Variants in ANKRD62 observed in about 807,000 individuals in gnomAD.
ANKRD62 encodes ankyrin repeat domain 62.
ANKRD62 carries 61 observed loss-of-function variants against 98.8 expected under a neutral mutation model. The ratio of observed to expected loss-of-function variants is 0.62; its 90% CI spans 0.50 to 0.76. ANKRD62 has a LOEUF of 0.76. Among genes scored for constraint, ANKRD62 ranks in the 30% least tolerant of loss-of-function variants. The probability of loss-of-function intolerance (pLI) is 0.00; values close to 1 mark genes in which losing one functional copy is unlikely to be tolerated. For synonymous variants in ANKRD62, 341 were observed against 367.9 expected (o/e 0.93, Z 0.84); for missense variants, 933 against 1,082.9 (o/e 0.86, Z 1.94).
At chr18:12,096,413 T>C in intron 4 of ANKRD62, 111 bp downstream of exon 4, 1 of 612,098 alleles carries the variant, frequency 1.6e-6, no homozygotes, top group East Asian at 3.0e-5. Flanking sequence ...ATTATTGGGA[T>C]AGAGAGAAAT....
In ANKRD62 at chr18:12,093,942, G is replaced by C; in HGVS notation, c.-76G>C. ...GGTTACGTGCTGGTGCTGCGCTCCA[G>C]AGAGGCAGAAAACGAGTGGGAGCTG... On this transcript the variant is annotated 5_prime_UTR_variant, in exon 1 of 14. Transcript: ENST00000587848. The C allele has an allele frequency of 1.4e-6, 2 of 1,429,598 alleles. No homozygotes were observed. The highest frequency in any genetic ancestry group is 1.9e-6 in the Non-Finnish European group (2 of 1,054,224). The allele number at this position is 1,429,598 out of a possible 1,614,324, so 88.6% of individuals were successfully genotyped here.
In ANKRD62 at chr18:12,128,159, CT is replaced by C. The variant is rs1159620596; in HGVS notation, c.*226del. On this transcript the variant is annotated 3_prime_UTR_variant, in exon 14 of 14. Transcript: ENST00000587848. ...ATTTCTCACAGAAGATTAGAGAATTCTTTTTTCTTTTTACAGTATATTTTTA... is the reference window on the plus strand; with the variant it reads ...ATTTCTCACAGAAGATTAGAGAATTCTTTTTCTTTTTACAGTATATTTTTA... The C allele has an allele frequency of 3.9e-6, 1 of 257,338 alleles. No homozygotes were observed. Among genetic ancestry groups the C allele is most frequent in the Non-Finnish European group, 7.1e-6 (1 of 140,590 alleles). 15.9% of individuals were successfully genotyped at this position (257,338 alleles called of 1,614,324 possible). A position where few individuals can be genotyped will look rare whatever the true frequency, so the allele number is the denominator to read the frequency against.
chr18:12,102,722 A>G lies in ANKRD62; in HGVS notation c.821-436A>G, dbSNP rs1032677227. On this transcript the variant is annotated intron_variant, in intron 6 of 13. Coordinates refer to ENST00000587848, the MANE Select transcript of ANKRD62 (RefSeq NM_001277333.2). ...GAACGGGGTGTATATGGATGAAGGT[A>G]TAAGCAGTAACAGTCATATTGGAAG... 20 of 1,018,936 alleles carry G rather than the reference A, an allele frequency of 2.0e-5. No individual in the cohort carries two copies. In the South Asian group the frequency reaches 8.1e-4, roughly 41 times the overall value. The allele number at this position is 1,018,936 out of a possible 1,614,324, so 63.1% of individuals were successfully genotyped here. A position where few individuals can be genotyped will look rare whatever the true frequency, so the allele number is the denominator to read the frequency against.
chr18:12,115,432 A>T lies in ANKRD62; in HGVS notation c.1138A>T (p.Ile380Leu), dbSNP rs531642204. The part of the protein sequence containing the change: ...QIYFTDDLND[I>L]SGSSEKTSED... ...ATATTTCACGGATGACCTTAATGAC[A>T]TAAGTGGGTCATCTGAAAAAACCTC... Residue 380 changes from isoleucine (I) to leucine (L), a missense_variant, in exon 10 of 14, where the codon ATA becomes TTA. This residue lies in a region of ANKRD62 where 549 missense variants were observed against 587.9 expected (regional missense o/e 0.93). Coordinates refer to ENST00000587848, the MANE Select transcript of ANKRD62 (RefSeq NM_001277333.2). 199 of 1,536,986 alleles carry T rather than the reference A, an allele frequency of 1.3e-4. 1 individual carries two copies. In the South Asian group the frequency reaches 2.3e-3, roughly 18 times the overall value.
At position 12,125,817 on chromosome 18, in the gene ANKRD62, G is replaced by A; in HGVS notation, c.1996G>A (p.Asp666Asn). ...TTGTAGACTGGCTGCTGCCCTATGT[G>A]ATCATGATCAACGTCAGTCATCAAA... ...YRCRLAAALC[D>N]HDQRQSSKRD... The change falls in exon 13 of 14, where the codon GAT becomes AAT. Residue 666 changes from aspartate to asparagine, a missense_variant. Transcript: ENST00000587848. 2 of 1,549,558 alleles carry A rather than the reference G, an allele frequency of 1.3e-6. No individual in the cohort carries two copies. Among genetic ancestry groups the A allele is most frequent in the Non-Finnish European group, 1.7e-6 (2 of 1,147,276 alleles).
intron 6 of ANKRD62, among the ~76,000 whole-genome samples, chr18:12,101,741 A>G (rs1021161786): frequency 2.0e-5 from 3 of 152,200 alleles, no homozygotes; most frequent in African/African-American, 7.2e-5. Context: ...TGTGACTCTT[A>G]TGAGAAGCTG....
chr18:12,094,266 T>C, intron 1 of ANKRD62, 31 bp downstream of exon 1: 1 of 1,487,732 alleles, frequency 6.7e-7, no homozygotes. Flanking sequence ...GGAGGAGGCC[T>C]GGGGATATGG....
chr18:12,167,776 A>G, the ANKRD62 span, among the ~76,000 whole-genome samples: 7 of 152,180 alleles, frequency 4.6e-5, no homozygotes, highest in Non-Finnish European at 1.0e-4. Context: ...CTATTTCTCC[A>G]TATCCTCTCC....
the ANKRD62 span, among the ~76,000 whole-genome samples, chr18:12,165,468 A>G: frequency 3.7e-5 from 4 of 108,378 alleles, no homozygotes; most frequent in African/African-American, 1.4e-4. Flanking sequence ...TGCAGATACT[A>G]TCTTAAAACC....
the ANKRD62 span, among the ~76,000 whole-genome samples, chr18:12,139,018 TA>T: frequency 6.6e-6 from 1 of 152,208 alleles, no homozygotes; most frequent in Admixed American, 6.5e-5. Context: ...CTGTGCCTTT[TA>T]ATTGGAGCAT....
chr18:12,121,433 C>T (rs1042223812), intron 10 of ANKRD62, among the ~76,000 whole-genome samples: 13 of 152,198 alleles, frequency 8.5e-5, no homozygotes, highest in Admixed American at 2.6e-4. Flanking sequence ...TATCGTGTCC[C>T]CTCCACCGCT....
At chr18:12,127,629 G>A in intron 13 of ANKRD62, 119 bp from the exon 14 acceptor site, 1 of 670,768 alleles carries the variant, frequency 1.5e-6, no homozygotes, top group Non-Finnish European at 2.2e-6. Context: ...ATGAGGAGGA[G>A]AAGAAGAATC....
the ANKRD62 span, among the ~76,000 whole-genome samples, chr18:12,158,251 G>C: frequency 6.6e-6 from 1 of 152,208 alleles, no homozygotes; most frequent in Non-Finnish European, 1.5e-5. Context: ...AGCTGATGCT[G>C]ATCACACCTC....
chr18:12,096,190 T>C lies in ANKRD62; in HGVS notation c.508-6T>C. On this transcript the variant is annotated splice_region_variant and splice_polypyrimidine_tract_variant and intron_variant, in intron 3 of 13. Coordinates refer to ENST00000587848, the MANE Select transcript of ANKRD62 (RefSeq NM_001277333.2). ...TGAATTATAAATTGTTTTTGCTGTTTTGCAGGATGGACATACATCACTTTT... is the reference window on the plus strand; with the variant it reads ...TGAATTATAAATTGTTTTTGCTGTTCTGCAGGATGGACATACATCACTTTT... 6.6e-7 allele frequency: 1 copy of C among 1,511,322 alleles called. No individual in the cohort carries two copies. The highest frequency in any genetic ancestry group is 8.9e-7 in the Non-Finnish European group (1 of 1,127,836). The allele number at this position is 1,511,322 out of a possible 1,614,324, so 93.6% of individuals were successfully genotyped here. A position where few individuals can be genotyped will look rare whatever the true frequency, so the allele number is the denominator to read the frequency against.
chr18:12,151,975 G>A, the ANKRD62 span, among the ~76,000 whole-genome samples: 15 of 151,012 alleles, frequency 9.9e-5, no homozygotes, highest in African/African-American at 3.6e-4. Flanking sequence ...GAAGAGATAG[G>A]TAAATTTTTC....
At chr18:12,138,040 TCTCC>T in the ANKRD62 span, among the ~76,000 whole-genome samples, 1 of 152,176 alleles carries the variant, frequency 6.6e-6, no homozygotes, top group South Asian at 2.1e-4. Context: ...TGTGTCTCTA[TCTCC>T]TTCAGTTCTG....
chr18:12,126,073 T>A lies in ANKRD62; in HGVS notation c.2252T>A (p.Ile751Asn). The change falls in exon 13 of 14, where the codon ATT becomes AAT. Residue 751 changes from isoleucine (I) to asparagine (N), a missense_variant. Ile to Asn is a moderately radical substitution (Grantham distance 149, BLOSUM62 -3). Transcript: ENST00000587848. ...LSRTQRRLED[I>N]EHMYQNDQPI... Reference sequence around the variant, plus strand: ...CGAACACAGCGTCGATTGGAGGACATTGAACACATGTACCAAAATGACCAA... The same window carrying A: ...CGAACACAGCGTCGATTGGAGGACAATGAACACATGTACCAAAATGACCAA... 1 of 1,535,964 alleles carries A rather than the reference T, an allele frequency of 6.5e-7. No homozygotes were observed. Among genetic ancestry groups the A allele is most frequent in the Non-Finnish European group, 8.7e-7 (1 of 1,146,714 alleles).
At chr18:12,107,129 AATTAT>A (rs1385446891) in intron 7 of ANKRD62, among the ~76,000 whole-genome samples, 161 bp from the exon 8 acceptor site, 2 of 94,400 alleles carry the variant, frequency 2.1e-5, no homozygotes, top group Non-Finnish European at 5.2e-5. Flanking sequence ...TTTCAATAAA[AATTAT>A]AATATAATTA....
At position 12,125,459 on chromosome 18, in the gene ANKRD62, G is replaced by A; in HGVS notation, c.1639-1G>A. On this transcript the variant is annotated splice_acceptor_variant, in intron 12 of 13. Coordinates refer to ENST00000587848, the MANE Select transcript of ANKRD62 (RefSeq NM_001277333.2). LOFTEE classifies it high-confidence loss of function. Reference sequence around the variant, plus strand: ...TTGAGAGTTTTCTTTGTTTTATTTAGAATTTTCATACTCATGAAAGAGAAA... The same window carrying A: ...TTGAGAGTTTTCTTTGTTTTATTTAAAATTTTCATACTCATGAAAGAGAAA... 1 of 1,444,560 alleles carries A rather than the reference G, an allele frequency of 6.9e-7. No individual in the cohort carries two copies. The highest frequency in any genetic ancestry group is 9.0e-7 in the Non-Finnish European group (1 of 1,108,786). The allele number at this position is 1,444,560 out of a possible 1,614,324, so 89.5% of individuals were successfully genotyped here.
Sources: allele counts gnomAD v4.1 joint callset (sites outside exome capture counted in the v4.1 genomes callset), GRCh38; gene constraint gnomAD v4.1.1; regional missense constraint gnomAD v4.1.1; transcripts MANE v1.5; gene names NCBI Gene and HGNC (gene_info 2026-07-23, HGNC 2026-07-21).